KCNH7: variants seen among roughly 807,000 people sequenced by gnomAD.
KCNH7 encodes the protein potassium voltage-gated channel subfamily H member 7.
Under a neutral mutation model 120.8 loss-of-function variants are expected in KCNH7, and 49 were observed. The observed-to-expected ratio is 0.41, with a 90% CI of 0.32 to 0.51. The LOEUF (loss-of-function observed/expected upper bound fraction) is 0.51, where lower values mean the gene tolerates loss of function less well. KCNH7 is among the 20% of genes least tolerant of loss of function. The pLI, the probability that KCNH7 is intolerant of heterozygous loss-of-function variation, is 0.38. For synonymous variants in KCNH7, 547 were observed against 516.1 expected, an observed-to-expected ratio of 1.06 and a Z score of -0.81; for missense variants, 1,097 against 1,446.6, an observed-to-expected ratio of 0.76 and a Z score of 3.92.
intron 2 of KCNH7, among the ~76,000 whole-genome samples, chr2:162,816,705 T>C (rs1010236613): frequency 1.3e-5 from 2 of 152,160 alleles, no homozygotes; most frequent in African/African-American, 4.8e-5. Context: ...ATTTAGTTTG[T>C]TTGAGATGTT....
At chr2:162,595,851 A>G (rs1391318404) in intron 2 of KCNH7, among the ~76,000 whole-genome samples, 2 of 152,038 alleles carry the variant, frequency 1.3e-5, no homozygotes, top group African/African-American at 4.8e-5. Flanking sequence ...TAGAACAGCG[A>G]AATAAATTGA....
intron 7 of KCNH7, among the ~76,000 whole-genome samples, chr2:162,439,145 T>G (rs1377620662): frequency 3.3e-5 from 5 of 152,090 alleles, no homozygotes; most frequent in African/African-American, 7.2e-5. Context: ...AAATCCCAAT[T>G]TTTTGATTTT....
At chr2:162,626,155 C>T (rs2105206484) in intron 2 of KCNH7, among the ~76,000 whole-genome samples, 1 of 152,194 alleles carries the variant, frequency 6.6e-6, no homozygotes, top group Admixed American at 6.5e-5. Flanking sequence ...TATGCAGTTT[C>T]AGTTGCACTC....
intron 2 of KCNH7, among the ~76,000 whole-genome samples, chr2:162,572,916 A>T (rs2105902122): frequency 6.6e-6 from 1 of 152,182 alleles, no homozygotes; most frequent in South Asian, 2.1e-4. Context: ...AGAAGGGCGG[A>T]GGGATAGCAT....
intron 2 of KCNH7, among the ~76,000 whole-genome samples, chr2:162,668,319 T>G (rs1685218671): frequency 6.6e-6 from 1 of 152,166 alleles, no homozygotes; most frequent in Non-Finnish European, 1.5e-5. Context: ...TACCAAACTT[T>G]GAAAATATGA....
chr2:162,475,725 TCCTTGAAGGCCCCCA>T (rs947288752), intron 6 of KCNH7, among the ~76,000 whole-genome samples: 29 of 152,110 alleles, frequency 1.9e-4, no homozygotes, highest in African/African-American at 7.0e-4. Context: ...TAACATGGAG[TCCTTGAAGGCCCCCA>T]CCCACCCACC....
chr2:162,740,134 A>G (rs980308770), intron 2 of KCNH7, among the ~76,000 whole-genome samples: 1 of 152,210 alleles, frequency 6.6e-6, no homozygotes, highest in African/African-American at 2.4e-5. Flanking sequence ...TTAAGTTATC[A>G]TTGCTCAGGT....
At chr2:162,608,723 G>A (rs759360252) in intron 2 of KCNH7, among the ~76,000 whole-genome samples, 1 of 152,096 alleles carries the variant, frequency 6.6e-6, no homozygotes. Flanking sequence ...CTCTCCACAT[G>A]TGTTAGTGTA....
chr2:162,763,006 T>A (rs959417799), intron 2 of KCNH7, among the ~76,000 whole-genome samples: 1 of 152,084 alleles, frequency 6.6e-6, no homozygotes, highest in Non-Finnish European at 1.5e-5. Context: ...AAGTATTTTA[T>A]AATACAATGG....
intron 7 of KCNH7, among the ~76,000 whole-genome samples, chr2:162,437,551 C>T (rs1405534679): frequency 6.6e-6 from 1 of 152,062 alleles, no homozygotes; most frequent in South Asian, 2.1e-4. Flanking sequence ...AACAGACAAA[C>T]TTATGTTTGA....
chr2:162,711,079 A>G (rs948489113), intron 2 of KCNH7, among the ~76,000 whole-genome samples: 2 of 152,200 alleles, frequency 1.3e-5, no homozygotes, highest in Admixed American at 1.3e-4. Context: ...CTGAAAAAAT[A>G]TTTGTCTAAA....
chr2:162,742,154 A>C (rs1688159496), intron 2 of KCNH7, among the ~76,000 whole-genome samples: 1 of 152,200 alleles, frequency 6.6e-6, no homozygotes, highest in African/African-American at 2.4e-5. Context: ...AGTTTTAAGG[A>C]ATGAAATAAC....
At chr2:162,524,428 C>T (rs191287645) in intron 3 of KCNH7, among the ~76,000 whole-genome samples, 1 of 152,162 alleles carries the variant, frequency 6.6e-6, no homozygotes, top group East Asian at 2.0e-4. Context: ...TTTCCAGCAG[C>T]TGGGCTGTCT....
At chr2:162,381,223 A>G (rs1380515886) in intron 13 of KCNH7, among the ~76,000 whole-genome samples, 2 of 151,948 alleles carry the variant, frequency 1.3e-5, no homozygotes, top group African/African-American at 2.4e-5. Context: ...AGAAAGACTT[A>G]AAAAAAACTT....
chr2:162,666,850 G>C (rs1275416831), intron 2 of KCNH7, among the ~76,000 whole-genome samples: 1 of 151,868 alleles, frequency 6.6e-6, no homozygotes, highest in Non-Finnish European at 1.5e-5. Flanking sequence ...TAGTTCCTCT[G>C]GTCATTAAAA....
At chr2:162,759,361 G>A (rs1688893352) in intron 2 of KCNH7, among the ~76,000 whole-genome samples, 1 of 152,002 alleles carries the variant, frequency 6.6e-6, no homozygotes, top group Non-Finnish European at 1.5e-5. Flanking sequence ...TGGAGTCTGG[G>A]GAGAATAGCT....
At chr2:162,530,995 G>C (rs1432215179) in intron 3 of KCNH7, among the ~76,000 whole-genome samples, 1 of 151,912 alleles carries the variant, frequency 6.6e-6, no homozygotes, top group Non-Finnish European at 1.5e-5. Flanking sequence ...ACAGAAGGGT[G>C]TAATCAAAAC....
rs191291908 is a variant in KCNH7 at position 162,508,687 on chromosome 2, C to T, written c.913+3967G>A. On this transcript the variant is annotated intron_variant, in intron 5 of 15. Coordinates refer to ENST00000332142, the MANE Select transcript of KCNH7 (RefSeq NM_033272.4). ...AACCTAAGTGGACAGAATATGAGGC[C>T]AGAAAAGAATAAGAATAAAGGACCA... Among the ~76,000 whole-genome samples the T allele has an allele frequency of 9.3e-5, 14 of 151,226 alleles. No individual in the cohort carries two copies. In the East Asian group the frequency reaches 2.6e-3, roughly 28 times the overall value.
At chr2:162,755,666 A>G (rs1256573476) in intron 2 of KCNH7, among the ~76,000 whole-genome samples, 1 of 152,154 alleles carries the variant, frequency 6.6e-6, no homozygotes, top group Admixed American at 6.6e-5. Flanking sequence ...AGTACAGTAT[A>G]CCTACTTTAA....
Sources: allele counts gnomAD v4.1 joint callset (sites outside exome capture counted in the v4.1 genomes callset), GRCh38; gene constraint gnomAD v4.1.1; transcripts MANE v1.5; gene names NCBI Gene and HGNC (gene_info 2026-07-23, HGNC 2026-07-21).